The following VRK2 variants were observed in gnomAD, a reference collection of about 807,000 sequenced individuals.
VRK2 encodes serine/threonine-protein kinase VRK2.
Under a neutral mutation model 57.6 loss-of-function variants are expected in VRK2, and 60 were observed. The ratio of observed to expected loss-of-function variants is 1.04; its 90% confidence interval spans 0.85 to 1.29. The LOEUF is 1.29. Ranked by LOEUF, VRK2 falls within the 50% of genes most tolerant of loss-of-function variation. VRK2 has a pLI of 0.00. For missense variants in VRK2, 705 were observed against 588.1 expected, an observed-to-expected ratio of 1.20 and a Z score of -2.06; for synonymous variants, 231 against 199.2, an observed-to-expected ratio of 1.16 and a Z score of -1.35.
At chr2:58,050,721 C>T (rs1675584350) in intron 2 of VRK2, among the ~76,000 whole-genome samples, 1 of 152,146 alleles carries the variant, frequency 6.6e-6, no homozygotes, top group Non-Finnish European at 1.5e-5. Context: ...TCTATGTGTA[C>T]ACATAGTCAC....
chr2:58,145,321 A>G (rs80205731), intron 11 of VRK2, among the ~76,000 whole-genome samples: 1,709 of 152,120 alleles, frequency 0.011, 36 homozygotes, highest in African/African-American at 0.038. Flanking sequence ...ACAGTATTCG[A>G]TGACATGAAC....
At chr2:58,127,417 C>T (rs3771212) in intron 8 of VRK2, among the ~76,000 whole-genome samples, 10,437 of 152,064 alleles carry the variant, frequency 0.069, 432 homozygotes, top group Middle Eastern at 0.1. Context: ...TTCACACACA[C>T]AAAACTAGGG....
At chr2:57,930,467 AG>A (rs1163444618) in intron 1 of VRK2, among the ~76,000 whole-genome samples, 1 of 152,154 alleles carries the variant, frequency 6.6e-6, no homozygotes, top group African/African-American at 2.4e-5. Flanking sequence ...CAGCAATTCA[AG>A]ACTGTCTTTT....
chr2:57,935,095 G>C (rs1311423821), intron 1 of VRK2, among the ~76,000 whole-genome samples: 2 of 152,058 alleles, frequency 1.3e-5, no homozygotes, highest in East Asian at 3.9e-4. Context: ...ACTTGGTTGT[G>C]AGAATAATTG....
intron 1 of VRK2, among the ~76,000 whole-genome samples, chr2:57,939,569 G>GC (rs1671026235): frequency 6.6e-6 from 1 of 151,600 alleles, no homozygotes; most frequent in African/African-American, 2.4e-5. Flanking sequence ...TGGTTTATAT[G>GC]TTTTTTTCCA....
chr2:57,974,428 G>A (rs564754826), intron 1 of VRK2, among the ~76,000 whole-genome samples: 4 of 151,808 alleles, frequency 2.6e-5, no homozygotes, highest in Admixed American at 6.6e-5. Context: ...AATTGTCTAC[G>A]TAGTAAGATG....
intron 2 of VRK2, among the ~76,000 whole-genome samples, chr2:58,031,084 C>A (rs1363898294): frequency 6.6e-6 from 1 of 152,080 alleles, no homozygotes; most frequent in African/African-American, 2.4e-5. Context: ...TTTCAAGCTC[C>A]TGACCCACAG....
chr2:58,141,188 G>C (rs896515053), intron 11 of VRK2, among the ~76,000 whole-genome samples: 9 of 151,942 alleles, frequency 5.9e-5, no homozygotes, highest in Non-Finnish European at 1.3e-4. Context: ...TTTCCTTGAC[G>C]TAGTATTTTC....
chr2:58,140,629 G>A (rs773025197), intron 11 of VRK2, among the ~76,000 whole-genome samples: 22 of 151,902 alleles, frequency 1.4e-4, no homozygotes, highest in Non-Finnish European at 2.4e-4. Flanking sequence ...CCAAGAATGC[G>A]GGATGCAAAC....
chr2:58,093,277 C>T (rs991887525), intron 7 of VRK2, among the ~76,000 whole-genome samples: 1 of 152,196 alleles, frequency 6.6e-6, no homozygotes, highest in Non-Finnish European at 1.5e-5. Flanking sequence ...TACAGTCCCA[C>T]CAACAGTGTA....
At chr2:57,981,758 T>A (rs1672430510) in intron 1 of VRK2, among the ~76,000 whole-genome samples, 1 of 152,268 alleles carries the variant, frequency 6.6e-6, no homozygotes, top group African/African-American at 2.4e-5. Flanking sequence ...TTGGTTCTTT[T>A]TCAAAATGGC....
chr2:58,094,367 A>T (rs917215707), intron 7 of VRK2, among the ~76,000 whole-genome samples: 1 of 152,140 alleles, frequency 6.6e-6, no homozygotes, highest in South Asian at 2.1e-4. Context: ...GTTCTCCTTG[A>T]AGAGGTCCTT....
chr2:58,010,756 A>G (rs1460834523), intron 1 of VRK2, among the ~76,000 whole-genome samples: 1 of 152,158 alleles, frequency 6.6e-6, no homozygotes, highest in Admixed American at 6.5e-5. Context: ...CTCCTTATCT[A>G]TTAACAAACT....
chr2:58,015,261 T>C (rs980777102), intron 1 of VRK2, among the ~76,000 whole-genome samples: 7 of 152,218 alleles, frequency 4.6e-5, no homozygotes, highest in African/African-American at 1.7e-4. Context: ...TTCACTTGTT[T>C]GTGTGTTTGT....
At chr2:58,007,608 T>C (rs1217810289) in intron 1 of VRK2, among the ~76,000 whole-genome samples, 2 of 152,144 alleles carry the variant, frequency 1.3e-5, no homozygotes, top group Non-Finnish European at 2.9e-5. Context: ...ATATTACATA[T>C]AACATACAAA....
At chr2:58,137,202 C>CATATATGATACATATATCATATATA (rs1680549626) in intron 10 of VRK2, among the ~76,000 whole-genome samples, 1,415 of 27,324 alleles carry the variant, frequency 0.052, 8 homozygotes, top group East Asian at 0.068. Context: ...ACATATATAT[C>CATATATGATACATATATCATATATA]TCATATATGA....
chr2:57,972,282 T>C (rs1165055233), intron 1 of VRK2, among the ~76,000 whole-genome samples: 4 of 151,784 alleles, frequency 2.6e-5, no homozygotes, highest in Admixed American at 1.3e-4. Context: ...TATTATGACA[T>C]AATATTGATA....
At chr2:58,080,158 C>T (rs1431690642) in intron 2 of VRK2, among the ~76,000 whole-genome samples, 1 of 151,900 alleles carries the variant, frequency 6.6e-6, no homozygotes, top group Non-Finnish European at 1.5e-5. Flanking sequence ...ATTTTAACTG[C>T]ATTCTAACTA....
intron 1 of VRK2, among the ~76,000 whole-genome samples, chr2:57,920,249 C>G (rs1435061347): frequency 6.6e-6 from 1 of 152,026 alleles, no homozygotes; most frequent in Non-Finnish European, 1.5e-5. Flanking sequence ...AAATCTCAGC[C>G]CAGAGCACAA....
Sources: gnomAD v4.1 joint callset for allele counts (sites outside exome capture counted in the v4.1 genomes callset) on GRCh38, gnomAD v4.1.1 for gene constraint, MANE v1.5 for transcripts, NCBI Gene and HGNC (gene_info 2026-07-23, HGNC 2026-07-21) for gene names.